ADK: variants seen among roughly 807,000 people sequenced by gnomAD.
ADK encodes the protein adenosine kinase, also known as N6,N6-dimethyladenosine kinase.
Under a neutral mutation model 44.7 loss-of-function variants are expected in ADK, and 24 were observed. The observed-to-expected ratio is 0.54, with a 90% CI of 0.39 to 0.76. The LOEUF is 0.76. Among genes scored for constraint, ADK ranks in the 30% least tolerant of loss-of-function variants. ADK has a pLI of 0.00. For synonymous variants in ADK, 128 were observed against 142.6 expected (o/e 0.90, Z 0.73); for missense variants, 321 against 425.1 (o/e 0.76, Z 2.15).
intron 9 of ADK, among the ~76,000 whole-genome samples, chr10:74,667,424 T>A (rs1041039274): frequency 6.6e-6 from 1 of 151,824 alleles, no homozygotes; most frequent in Non-Finnish European, 1.5e-5. Flanking sequence ...GGATAAAGTA[T>A]CTCAATGATG....
intron 6 of ADK, among the ~76,000 whole-genome samples, chr10:74,450,188 C>T (rs1845726139): frequency 6.6e-6 from 1 of 152,094 alleles, no homozygotes; most frequent in African/African-American, 2.4e-5. Flanking sequence ...GTGGCATGTG[C>T]CTGTAGTCCT....
chr10:74,379,163 G>T (rs1842907455), intron 4 of ADK, among the ~76,000 whole-genome samples: 2 of 152,052 alleles, frequency 1.3e-5, no homozygotes, highest in African/African-American at 4.8e-5. Flanking sequence ...ACATACTTTG[G>T]CTTGCATTTA....
At chr10:74,666,540 C>T (rs1486282196) in intron 9 of ADK, among the ~76,000 whole-genome samples, 2 of 152,070 alleles carry the variant, frequency 1.3e-5, no homozygotes, top group African/African-American at 2.4e-5. Flanking sequence ...TAATCTTAAG[C>T]TCTTAGGTAG....
intron 3 of ADK, among the ~76,000 whole-genome samples, chr10:74,299,625 A>ATG (rs1032735604): frequency 3.0e-3 from 136 of 45,404 alleles, no homozygotes; most frequent in African/African-American, 5.2e-3. Flanking sequence ...TACATTATAC[A>ATG]TATATATGGA....
chr10:74,201,478 C>T (rs1564589113), intron 2 of ADK, among the ~76,000 whole-genome samples: 1 of 152,118 alleles, frequency 6.6e-6, no homozygotes, highest in Admixed American at 6.6e-5. Context: ...ACATGCACCA[C>T]GTCCACATAA....
At chr10:74,259,286 T>C (rs1266523837) in intron 3 of ADK, among the ~76,000 whole-genome samples, 5 of 151,762 alleles carry the variant, frequency 3.3e-5, no homozygotes, top group Admixed American at 6.6e-5. Flanking sequence ...CATGTAAGCA[T>C]GTGCACAAAT....
chr10:74,502,579 A>G (rs945167342), intron 6 of ADK, among the ~76,000 whole-genome samples: 5 of 152,292 alleles, frequency 3.3e-5, no homozygotes, highest in Non-Finnish European at 4.4e-5. Context: ...AGCACATTCT[A>G]CCACTTGATA....
intron 7 of ADK, among the ~76,000 whole-genome samples, chr10:74,560,269 A>G (rs945144819): frequency 5.3e-5 from 8 of 152,034 alleles, no homozygotes; most frequent in Admixed American, 1.3e-4. Context: ...AACTTTTTCT[A>G]TTAGTATTTA....
chr10:74,302,950 A>G (rs1340263838), intron 3 of ADK, among the ~76,000 whole-genome samples: 2 of 152,152 alleles, frequency 1.3e-5, no homozygotes, highest in African/African-American at 4.8e-5. Flanking sequence ...TAAGGATCTC[A>G]TGTACCATGC....
chr10:74,424,231 A>C (rs1844694756), intron 6 of ADK, among the ~76,000 whole-genome samples: 1 of 152,046 alleles, frequency 6.6e-6, no homozygotes, highest in South Asian at 2.1e-4. Context: ...TATGTACTTA[A>C]ACACTTGTCT....
intron 9 of ADK, among the ~76,000 whole-genome samples, chr10:74,608,015 A>C (rs1852394710): frequency 6.6e-6 from 1 of 150,878 alleles, no homozygotes; most frequent in Non-Finnish European, 1.5e-5. Flanking sequence ...CTTCTGCTTG[A>C]TCAATTTGGT....
intron 6 of ADK, among the ~76,000 whole-genome samples, chr10:74,510,742 G>C (rs1848277703): frequency 6.6e-6 from 1 of 152,004 alleles, no homozygotes; most frequent in South Asian, 2.1e-4. Context: ...GGGTCTTGCT[G>C]TGTCACCCAG....
chr10:74,466,015 A>G (rs1420996293), intron 6 of ADK, among the ~76,000 whole-genome samples: 1 of 152,096 alleles, frequency 6.6e-6, no homozygotes. Flanking sequence ...CTTAAAATTT[A>G]TTTTCTTACC....
chr10:74,676,044 T>TAA lies in ADK; in HGVS notation c.964+5789_964+5790dup, dbSNP rs11458497. Among the ~76,000 whole-genome samples the TAA allele has an allele frequency of 4.3e-3, 614 of 143,804 alleles. 2 individuals are homozygous for TAA. Among genetic ancestry groups the TAA allele is most frequent in the African/African-American group, 6.8e-3 (267 of 39,202 alleles). 94.3% of individuals were successfully genotyped at this position (143,804 alleles called of 152,430 possible). On this transcript the variant is annotated intron_variant, in intron 10 of 10. Coordinates refer to ENST00000539909, the MANE Select transcript of ADK (RefSeq NM_006721.4). ...ACCCAAGAACCAACATTCTTAGAAT[T>TAA]AAAAAAAAAAAAAAACACCTTCATT...
At chr10:74,534,197 G>A (rs1258810561) in intron 7 of ADK, among the ~76,000 whole-genome samples, 1 of 152,112 alleles carries the variant, frequency 6.6e-6, no homozygotes, top group Non-Finnish European at 1.5e-5. Context: ...GGTTGTGGTT[G>A]CAGTACTTTA....
intron 7 of ADK, among the ~76,000 whole-genome samples, chr10:74,566,967 C>T (rs913657695): frequency 6.6e-6 from 1 of 152,120 alleles, no homozygotes; most frequent in Non-Finnish European, 1.5e-5. Flanking sequence ...CTCCTAAAAA[C>T]TCATTTTTAT....
At chr10:74,652,199 G>T (rs894328288) in intron 9 of ADK, among the ~76,000 whole-genome samples, 1 of 151,284 alleles carries the variant, frequency 6.6e-6, no homozygotes, top group Admixed American at 6.6e-5. Context: ...CCACCACCAC[G>T]CCCAACTAAT....
chr10:74,493,376 T>C (rs879343404), intron 6 of ADK, among the ~76,000 whole-genome samples: 3 of 151,056 alleles, frequency 2.0e-5, no homozygotes, highest in Non-Finnish European at 2.9e-5. Context: ...TATATACATA[T>C]ATATGTATAT....
intron 3 of ADK, among the ~76,000 whole-genome samples, chr10:74,249,825 A>T (rs1452882994): frequency 6.6e-6 from 1 of 152,216 alleles, no homozygotes; most frequent in Non-Finnish European, 1.5e-5. Flanking sequence ...CAATTTATCA[A>T]TTCATGTATT....
Sources: gnomAD v4.1 joint callset for allele counts (sites outside exome capture counted in the v4.1 genomes callset) on GRCh38, gnomAD v4.1.1 for gene constraint, MANE v1.5 for transcripts, NCBI Gene and HGNC (gene_info 2026-07-23, HGNC 2026-07-21) for gene names.